The following LRP1B variants were observed in gnomAD, a reference collection of about 807,000 sequenced individuals.
LRP1B encodes the protein low-density lipoprotein receptor-related protein 1B.
A neutral mutation model predicts 556.6 loss-of-function variants in LRP1B; 217 were observed. The ratio of observed to expected loss-of-function variants is 0.39; its 90% CI spans 0.35 to 0.44. The LOEUF is 0.44. LRP1B is among the 20% of genes least tolerant of loss of function. LRP1B has a pLI of 1.00. For synonymous variants in LRP1B, 2,047 were observed against 1,865.8 expected, an observed-to-expected ratio of 1.10 and a Z score of -2.50; for missense variants, 5,053 against 5,620.8, an observed-to-expected ratio of 0.90 and a Z score of 3.23.
chr2:140,502,328 G>T (rs1199695307), intron 54 of LRP1B, among the ~76,000 whole-genome samples: 1 of 151,870 alleles, frequency 6.6e-6, no homozygotes, highest in African/African-American at 2.4e-5. Context: ...TGAAGTCAGG[G>T]TATAAAACAG....
chr2:140,801,327 C>T (rs1377643337), intron 32 of LRP1B, among the ~76,000 whole-genome samples: 4 of 152,012 alleles, frequency 2.6e-5, no homozygotes, highest in African/African-American at 7.2e-5. Context: ...GGTGTTTCAC[C>T]CATTAGGGCA....
intron 2 of LRP1B, among the ~76,000 whole-genome samples, chr2:141,741,279 T>C (rs989624814): frequency 5.6e-5 from 8 of 143,276 alleles, no homozygotes; most frequent in Non-Finnish European, 7.7e-5. Context: ...TTTTTTTTTT[T>C]TTTTTTTTTT....
intron 2 of LRP1B, among the ~76,000 whole-genome samples, chr2:141,707,587 A>G: frequency 6.6e-6 from 1 of 152,262 alleles, no homozygotes; most frequent in East Asian, 1.9e-4. Flanking sequence ...GTGAAATGCT[A>G]GTTGTGTCTG....
chr2:140,776,024 G>T, intron 33 of LRP1B, 74 bp downstream of exon 33: 1 of 1,215,008 alleles, frequency 8.2e-7, no homozygotes, highest in Non-Finnish European at 1.1e-6. Context: ...TTTTATTGTT[G>T]AATTGAGGAG....
intron 72 of LRP1B, among the ~76,000 whole-genome samples, chr2:140,361,559 C>G (rs976225304): frequency 2.0e-5 from 3 of 150,704 alleles, no homozygotes; most frequent in Non-Finnish European, 3.0e-5. Context: ...TTTTCCCATG[C>G]CTCTGCAGAA....
chr2:141,590,593 GA>G (rs1683990522), intron 2 of LRP1B, among the ~76,000 whole-genome samples: 1 of 151,982 alleles, frequency 6.6e-6, no homozygotes. Context: ...ATAAAAGAGT[GA>G]AACAAGGCCC....
chr2:141,555,335 C>A, intron 2 of LRP1B, among the ~76,000 whole-genome samples: 1 of 151,900 alleles, frequency 6.6e-6, no homozygotes, highest in East Asian at 1.9e-4. Context: ...TACTTAGCCA[C>A]AATTATATGT....
intron 32 of LRP1B, among the ~76,000 whole-genome samples, chr2:140,808,071 G>A (rs78930003): frequency 6.6e-6 from 1 of 152,156 alleles, no homozygotes; most frequent in Non-Finnish European, 1.5e-5. Context: ...CAGCCTAGGT[G>A]ACAGAGTGAG....
chr2:141,811,684 A>G (rs1696364055), intron 1 of LRP1B, among the ~76,000 whole-genome samples: 1 of 152,082 alleles, frequency 6.6e-6, no homozygotes, highest in South Asian at 2.1e-4. Flanking sequence ...TTATATTTTT[A>G]TTAAGTTAAC....
At chr2:141,832,009 C>A (rs1299200245) in intron 1 of LRP1B, among the ~76,000 whole-genome samples, 1 of 151,572 alleles carries the variant, frequency 6.6e-6, no homozygotes, top group African/African-American at 2.4e-5. Context: ...AGTACTGGAG[C>A]CTTGACCAAT....
At chr2:141,328,894 T>C (rs115336201) in intron 3 of LRP1B, among the ~76,000 whole-genome samples, 252 of 151,958 alleles carry the variant, frequency 1.7e-3, no homozygotes, top group African/African-American at 5.8e-3. Flanking sequence ...AAGCAGAGAG[T>C]TGACCTAAAT....
intron 2 of LRP1B, among the ~76,000 whole-genome samples, chr2:141,494,326 C>T (rs973692282): frequency 3.9e-5 from 6 of 152,084 alleles, no homozygotes; most frequent in Non-Finnish European, 1.5e-5. Flanking sequence ...TTTGAAGCAA[C>T]ACAAAACCCT....
At chr2:141,443,455 T>C (rs1443463685) in intron 3 of LRP1B, among the ~76,000 whole-genome samples, 2 of 152,226 alleles carry the variant, frequency 1.3e-5, no homozygotes, top group Non-Finnish European at 2.9e-5. Context: ...TTTGTCAATT[T>C]TGGCTTTTGT....
chr2:140,716,989 AAAG>A lies in LRP1B; in HGVS notation c.5759-176_5759-174del, dbSNP rs1463723063. 1.7e-4 allele frequency among the ~76,000 whole-genome samples: 26 copies of A among 152,098 alleles called. 1 individual carries two copies. Among genetic ancestry groups the A allele is most frequent in the Admixed American group, 1.3e-4 (2 of 15,250 alleles). The stretch of plus-strand genomic sequence containing the variant: ...TATAAATAGTAAAAAAAAAGCATGA[AAAG>A]AACATGAAAGAACTTATATTTCAGT... On this transcript the variant is annotated intron_variant, in intron 35 of 90. Transcript: ENST00000389484.
At chr2:141,553,289 A>C (rs1166243150) in intron 2 of LRP1B, among the ~76,000 whole-genome samples, 1 of 151,994 alleles carries the variant, frequency 6.6e-6, no homozygotes, top group Admixed American at 6.6e-5. Flanking sequence ...TTGCAAGCAA[A>C]GGGTTATGAA....
intron 15 of LRP1B, among the ~76,000 whole-genome samples, chr2:141,000,145 C>A (rs1283804396): frequency 6.6e-6 from 1 of 151,778 alleles, no homozygotes; most frequent in African/African-American, 2.4e-5. Flanking sequence ...TCTTGAACGC[C>A]TGGATTCAAG....
chr2:142,105,602 G>A (rs1008233736), intron 1 of LRP1B, among the ~76,000 whole-genome samples: 1 of 152,112 alleles, frequency 6.6e-6, no homozygotes, highest in Non-Finnish European at 1.5e-5. Context: ...AAGGAGATCA[G>A]CTAAAATGAT....
At chr2:140,940,030 T>A (rs564960247) in intron 20 of LRP1B, among the ~76,000 whole-genome samples, 5 of 151,888 alleles carry the variant, frequency 3.3e-5, no homozygotes, top group Admixed American at 2.6e-4. Context: ...AGACTACAGC[T>A]GTGCCACCAT....
chr2:141,604,468 C>T (rs751135887), intron 2 of LRP1B, among the ~76,000 whole-genome samples: 2 of 152,050 alleles, frequency 1.3e-5, no homozygotes, highest in African/African-American at 4.8e-5. Context: ...GAAACCCAAC[C>T]TCCAAGCCAA....
Sources: gnomAD v4.1 joint callset for allele counts (sites outside exome capture counted in the v4.1 genomes callset) on GRCh38, gnomAD v4.1.1 for gene constraint, MANE v1.5 for transcripts, NCBI Gene and HGNC (gene_info 2026-07-23, HGNC 2026-07-21) for gene names.